Variants in TTC39A observed in about 807,000 individuals in gnomAD.
TTC39A encodes the protein tetratricopeptide repeat domain 39A, also known as tetratricopeptide repeat protein 39A.
TTC39A carries 46 observed loss-of-function variants against 82.3 expected under a neutral mutation model. The observed-to-expected ratio is 0.56, with a 90% CI of 0.44 to 0.71. The LOEUF (loss-of-function observed/expected upper bound fraction) is 0.71, where lower values mean the gene tolerates loss of function less well. Among genes scored for constraint, TTC39A ranks in the 30% least tolerant of loss-of-function variants. TTC39A has a pLI of 0.00. For synonymous variants in TTC39A, 254 were observed against 275.2 expected, an observed-to-expected ratio of 0.92 and a Z score of 0.76; for missense variants, 543 against 712.9, an observed-to-expected ratio of 0.76 and a Z score of 2.71.
At chr1:51,320,871 G>GTTTTTT (rs770160259) in intron 2 of TTC39A, among the ~76,000 whole-genome samples, 1 of 126,750 alleles carries the variant, frequency 7.9e-6, no homozygotes, top group African/African-American at 3.1e-5. Context: ...ATGTTTTCTG[G>GTTTTTT]TTTTTTTTTT....
At chr1:51,331,145 G>T, upstream of TTC39A, 1 of 1,483,582 alleles carries the variant, frequency 6.7e-7, no homozygotes, top group Non-Finnish European at 9.2e-7. Flanking sequence ...TTCACGCATG[G>T]TCACTCACCT....
At chr1:51,342,995 T>C (rs753414709) in intron 1 of TTC39A, 5 of 455,444 alleles carry the variant, frequency 1.1e-5, no homozygotes, top group South Asian at 7.7e-5. Context: ...GAGAGGTGTG[T>C]AACATACATA....
At chr1:51,289,401 C>T (rs891216233) in intron 16 of TTC39A, among the ~76,000 whole-genome samples, 3 of 152,136 alleles carry the variant, frequency 2.0e-5, no homozygotes, top group African/African-American at 7.2e-5. Context: ...CATCTTCAAT[C>T]TTTTCTCTCT....
intron 15 of TTC39A, 63 bp downstream of exon 15, chr1:51,290,451 G>A (rs749926888): frequency 1.5e-4 from 223 of 1,453,806 alleles, no homozygotes; most frequent in Non-Finnish European, 1.8e-4. Context: ...TTTTGGCAGA[G>A]GGAAGCTTCA....
upstream of TTC39A, chr1:51,330,646 C>A (rs1645882999): frequency 1.3e-5 from 13 of 982,402 alleles, no homozygotes; most frequent in Non-Finnish European, 1.4e-5. This position sits in a 1 kb window ranked among gnomAD's most constrained non-coding sequence, Gnocchi z 4.5. Flanking sequence ...GTCTCCCCAC[C>A]CGCACCGTAG....
intron 1 of TTC39A, among the ~76,000 whole-genome samples, chr1:51,341,941 A>G (rs1646042679): frequency 6.6e-6 from 1 of 152,238 alleles, no homozygotes; most frequent in South Asian, 2.1e-4. Flanking sequence ...AACCAAGAGC[A>G]GGAATTCTGA....
intron 2 of TTC39A, among the ~76,000 whole-genome samples, chr1:51,313,460 G>T (rs547215952): frequency 4.2e-4 from 64 of 152,172 alleles, no homozygotes; most frequent in African/African-American, 1.5e-3. Flanking sequence ...TCTGATCATG[G>T]TGCCCAGTGG....
intron 2 of TTC39A, among the ~76,000 whole-genome samples, chr1:51,315,995 T>C (rs1043962770): frequency 2.0e-4 from 30 of 152,216 alleles, no homozygotes. Context: ...CAAATGACCC[T>C]GAATTTCTAT....
At chr1:51,338,019 T>G (rs899802060) in intron 1 of TTC39A, among the ~76,000 whole-genome samples, 7 of 152,182 alleles carry the variant, frequency 4.6e-5, no homozygotes, top group African/African-American at 1.7e-4. Context: ...TTTGCATTAT[T>G]GTTTTGTTCT....
At position 51,290,115 on chromosome 1, in the gene TTC39A, G is replaced by A. The variant is rs374421872; in HGVS notation, c.1383C>T (p.Asn461=). Residue 461 remains asparagine, a synonymous_variant, in exon 16 of 18, where the codon AAC becomes AAT. Transcript: ENST00000680483. ...AGCACTCGTCATCCACTGAGTACTC[G>A]TTCTCTGAAAATAGGGATGTGAGGG... The part of the protein sequence containing the change: ...AEEMLEKGPE[N]EYSVDDECLV... The A allele has an allele frequency of 4.0e-5, 65 of 1,612,278 alleles. No homozygotes were observed. Among genetic ancestry groups the A allele is most frequent in the Middle Eastern group, 1.6e-4 (1 of 6,076 alleles).
intron 1 of TTC39A, among the ~76,000 whole-genome samples, chr1:51,325,556 G>C (rs1023693503): frequency 6.6e-6 from 1 of 152,128 alleles, no homozygotes; most frequent in African/African-American, 2.4e-5. Flanking sequence ...CTGTGAAATG[G>C]GATTATTACC....
Position 51,330,055 on chromosome 1 carries a change from G to A in TTC39A, c.41+382C>T, listed in dbSNP as rs1381122150. The stretch of plus-strand genomic sequence containing the variant: ...AACTCTTACCTCCTGGGTGACCGAT[G>A]ACAAGTCACTTAAGTGCTGTGTCTC... On this transcript the variant is annotated intron_variant, in intron 1 of 17. Transcript: ENST00000680483. The surrounding 1 kb of genome is among the most constrained non-coding windows in gnomAD (Gnocchi z 4.5). 1 of 856,030 alleles carries A rather than the reference G, an allele frequency of 1.2e-6. No homozygotes were observed. Among genetic ancestry groups the A allele is most frequent in the Non-Finnish European group, 1.4e-6 (1 of 711,950 alleles). The allele number at this position is 856,030 out of a possible 1,614,324, so 53.0% of individuals were successfully genotyped here.
chr1:51,325,251 T>C (rs547951294), intron 1 of TTC39A, among the ~76,000 whole-genome samples: 1 of 142,982 alleles, frequency 7.0e-6, no homozygotes, highest in South Asian at 2.3e-4. Context: ...CAAAATTCCA[T>C]CTCAAAAAAA....
At position 51,301,702 on chromosome 1, in the gene TTC39A, G is replaced by A. The variant is rs758632568; in HGVS notation, c.923C>T (p.Ala308Val). 1.2e-6 allele frequency: 2 copies of A among 1,612,126 alleles called. No homozygotes were observed. The highest frequency in any genetic ancestry group is 1.7e-6 in the Non-Finnish European group (2 of 1,178,452). ...GTGGAACTGCTTCCAGTGCTGCTGG[G>A]CCTCACAGCACTCCTCGAAACGCCG... The part of the protein sequence containing the change: ...AIRRFEECCE[A>V]QQHWKQFHHM... Residue 308 changes from alanine (A) to valine (V), a missense_variant, in exon 12 of 18, where the codon GCC becomes GTC. By Grantham distance (64) the Ala-to-Val change is moderately conservative (BLOSUM62 0). Coordinates refer to ENST00000680483, the MANE Select transcript of TTC39A (RefSeq NM_001297663.2).
At chr1:51,327,635 G>C (rs914343120) in intron 1 of TTC39A, among the ~76,000 whole-genome samples, 1 of 151,874 alleles carries the variant, frequency 6.6e-6, no homozygotes, top group African/African-American at 2.4e-5. Context: ...TAAGACTATG[G>C]AAAGCACAAG....
At chr1:51,309,399 C>G in intron 5 of TTC39A, 74 bp from the exon 6 acceptor site, 9 of 1,604,986 alleles carry the variant, frequency 5.6e-6, no homozygotes, top group Non-Finnish European at 7.7e-6. Flanking sequence ...ATGCAAGGCT[C>G]TGGGCCTGAC....
chr1:51,309,355 G>C, intron 5 of TTC39A, 30 bp from the exon 6 acceptor site: 1 of 1,612,474 alleles, frequency 6.2e-7, no homozygotes, highest in Middle Eastern at 1.7e-4. Flanking sequence ...TGACGGCCTG[G>C]CCCAGGTGGG....
Position 51,330,005 on chromosome 1 carries a change from A to G in TTC39A, c.41+432T>C. ...GGGGTGGGGGGATCTGACAACAGAC[A>G]GAACTGAGTTCAAATCCCACCCGCA... On this transcript the variant is annotated intron_variant, in intron 1 of 17. Coordinates refer to ENST00000680483, the MANE Select transcript of TTC39A (RefSeq NM_001297663.2). This position sits in a 1 kb window ranked among gnomAD's most constrained non-coding sequence, Gnocchi z 4.5. The G allele has an allele frequency of 2.8e-6, 1 of 362,320 alleles. No individual in the cohort carries two copies. Among genetic ancestry groups the G allele is most frequent in the Non-Finnish European group, 3.8e-6 (1 of 260,570 alleles). The allele number at this position is 362,320 out of a possible 1,614,324, so 22.4% of individuals were successfully genotyped here. A position where few individuals can be genotyped will look rare whatever the true frequency, so the allele number is the denominator to read the frequency against.
chr1:51,335,020 C>T (rs758720470), upstream of TTC39A: 2 of 152,332 alleles, frequency 1.3e-5, no homozygotes, highest in Non-Finnish European at 1.5e-5. Flanking sequence ...CTGTGTGTCC[C>T]CACCTTGAGG....
Sources: gnomAD v4.1 joint callset for allele counts (sites outside exome capture counted in the v4.1 genomes callset) on GRCh38, gnomAD v4.1.1 for gene constraint, Gnocchi (gnomAD v3.1) non-coding constraint, MANE v1.5 for transcripts, NCBI Gene and HGNC (gene_info 2026-07-23, HGNC 2026-07-21) for gene names.